The following GPHN variants were observed in gnomAD, a reference collection of about 807,000 sequenced individuals.
The protein encoded by GPHN is gephyrin.
A neutral mutation model predicts 95.5 loss-of-function variants in GPHN; 17 were observed. That is an observed-to-expected ratio of 0.18 (90% CI 0.12 to 0.27). GPHN has a LOEUF of 0.27. Ranked by LOEUF, GPHN falls within the 10% of genes least tolerant of loss-of-function variation. The pLI, the probability that GPHN is intolerant of heterozygous loss-of-function variation, is 1.00. For missense variants in GPHN, 660 were observed against 978.1 expected (o/e 0.67, Z 4.34); for synonymous variants, 320 against 322.5 (o/e 0.99, Z 0.08).
At chr14:67,139,221 T>C (rs984073035) in intron 17 of GPHN, among the ~76,000 whole-genome samples, 27 of 147,926 alleles carry the variant, frequency 1.8e-4, no homozygotes, top group Non-Finnish European at 3.1e-4. Context: ...ATACTCCATC[T>C]CAAAAAAAAA....
chr14:66,575,105 C>T lies in GPHN; in HGVS notation c.64+66514C>T, dbSNP rs117405062. On this transcript the variant is annotated intron_variant, in intron 1 of 22. Coordinates refer to ENST00000478722, the MANE Select transcript of GPHN (RefSeq NM_020806.5). The stretch of plus-strand genomic sequence containing the variant: ...TCTCTGTAGAGAACCTTGACTAATA[C>T]AGTGAGTCTGGTAATTACGAACTCT... Among the ~76,000 whole-genome samples the T allele has an allele frequency of 2.8e-4, 42 of 152,296 alleles. No homozygotes were observed. In the East Asian group the frequency reaches 7.9e-3, roughly 29 times the overall value.
At chr14:67,594,063 T>C in the GPHN span, 2 of 690,396 alleles carry the variant, frequency 2.9e-6, no homozygotes, top group East Asian at 5.4e-5. Flanking sequence ...ATTTGGGTTC[T>C]AAGGTGCTAT....
At chr14:67,577,314 G>A in the GPHN span, 1 of 1,569,318 alleles carries the variant, frequency 6.4e-7, no homozygotes, top group East Asian at 2.4e-5. Context: ...TCGCCGCTCT[G>A]GAGGCACCCC....
intron 1 of GPHN, among the ~76,000 whole-genome samples, chr14:66,613,430 A>C (rs1266307069): frequency 6.6e-6 from 1 of 152,132 alleles, no homozygotes; most frequent in African/African-American, 2.4e-5. Flanking sequence ...CACAACTTGA[A>C]AAACATGGCA....
At chr14:66,540,320 A>T (rs546207650) in intron 1 of GPHN, among the ~76,000 whole-genome samples, 1 of 152,300 alleles carries the variant, frequency 6.6e-6, no homozygotes, top group African/African-American at 2.4e-5. Flanking sequence ...GCCAAAGCAA[A>T]CCAGTGGCCA....
At chr14:66,801,795 G>A (rs1242019166) in intron 3 of GPHN, among the ~76,000 whole-genome samples, 5 of 129,264 alleles carry the variant, frequency 3.9e-5, no homozygotes, top group South Asian at 2.6e-4. Flanking sequence ...ATCTATGCCC[G>A]CTCCCGCTCC....
rs116904897 is a variant in GPHN at position 66,590,034 on chromosome 14, G to A, written c.64+81443G>A. Among the ~76,000 whole-genome samples, 376 of 152,234 alleles carry A rather than the reference G, an allele frequency of 2.5e-3. 15 individuals are homozygous for A. In the East Asian group the frequency reaches 0.067, roughly 27 times the overall value. The stretch of plus-strand genomic sequence containing the variant: ...AGGACTAAGAAACTCACTCAAAACC[G>A]CGTAACTACGTGGAAACTGAGCAAC... On this transcript the variant is annotated intron_variant, in intron 1 of 22. Transcript: ENST00000478722.
At chr14:67,120,082 C>A (rs1476686689) in intron 16 of GPHN, among the ~76,000 whole-genome samples, 1 of 149,646 alleles carries the variant, frequency 6.7e-6, no homozygotes. Flanking sequence ...GCTGAGATTG[C>A]GCCACTGCAT....
intron 10 of GPHN, among the ~76,000 whole-genome samples, chr14:67,047,552 A>G (rs1417057605): frequency 6.6e-6 from 1 of 151,720 alleles, no homozygotes; most frequent in Non-Finnish European, 1.5e-5. Context: ...TTTTAACAGT[A>G]ATGGGGTTTC....
the GPHN span, among the ~76,000 whole-genome samples, chr14:67,603,934 A>G: frequency 1.3e-5 from 2 of 151,036 alleles, no homozygotes; most frequent in Non-Finnish European, 2.9e-5. Context: ...GCCCGCCTCA[A>G]CCTCTCAAAG....
intron 3 of GPHN, among the ~76,000 whole-genome samples, chr14:66,814,058 G>C (rs555302984): frequency 1.3e-5 from 2 of 152,134 alleles, no homozygotes; most frequent in South Asian, 4.1e-4. Context: ...GGTGGCTTTT[G>C]CTTTACTTGC....
the GPHN span, among the ~76,000 whole-genome samples, chr14:67,439,538 T>TTTCTTTCTTTCC: frequency 2.4e-5 from 1 of 42,550 alleles, no homozygotes. Context: ...CAATAGTTTC[T>TTTCTTTCTTTCC]TTCTTTCTTT....
chr14:66,718,217 G>C (rs933881585), intron 2 of GPHN, among the ~76,000 whole-genome samples: 1 of 152,144 alleles, frequency 6.6e-6, no homozygotes, highest in Non-Finnish European at 1.5e-5. Flanking sequence ...AAGATGGTGT[G>C]TCTGGAGTTT....
chr14:67,041,146 A>G (rs939817915), intron 10 of GPHN, among the ~76,000 whole-genome samples: 27 of 152,138 alleles, frequency 1.8e-4, no homozygotes, highest in Non-Finnish European at 5.9e-5. Flanking sequence ...CATATTTTCA[A>G]AATGAGAAAG....
chr14:67,712,848 T>G, the GPHN span, among the ~76,000 whole-genome samples: 1 of 152,080 alleles, frequency 6.6e-6, no homozygotes, highest in Admixed American at 6.5e-5. Flanking sequence ...GGTGGCCTTG[T>G]TATGAAAATA....
intron 1 of GPHN, among the ~76,000 whole-genome samples, chr14:66,641,190 G>A (rs1481883776): frequency 6.6e-6 from 1 of 152,130 alleles, no homozygotes; most frequent in Non-Finnish European, 1.5e-5. Context: ...CGTAACGGTG[G>A]TGCAAAAATG....
intron 1 of GPHN, among the ~76,000 whole-genome samples, chr14:66,593,876 A>G (rs1256708871): frequency 6.6e-6 from 1 of 152,218 alleles, no homozygotes; most frequent in African/African-American, 2.4e-5. Context: ...AGGAAGAAGT[A>G]AAATTGTCTT....
intron 5 of GPHN, among the ~76,000 whole-genome samples, chr14:66,910,386 A>T (rs1220399243): frequency 6.6e-6 from 1 of 151,958 alleles, no homozygotes; most frequent in Admixed American, 6.6e-5. Context: ...AAAAGAAATT[A>T]AAAAAGAAAA....
chr14:66,916,848 CT>C (rs1009625310), intron 6 of GPHN, among the ~76,000 whole-genome samples: 60 of 152,186 alleles, frequency 3.9e-4, no homozygotes, highest in African/African-American at 1.3e-3. Flanking sequence ...TTGGCCAAGG[CT>C]TTTTTTATTG....
Sources: allele counts gnomAD v4.1 joint callset (sites outside exome capture counted in the v4.1 genomes callset), GRCh38; gene constraint gnomAD v4.1.1; transcripts MANE v1.5; gene names NCBI Gene and HGNC (gene_info 2026-07-23, HGNC 2026-07-21).